SVIL: variants seen among roughly 807,000 people sequenced by gnomAD.
SVIL encodes the protein archvillin.
SVIL carries 101 observed loss-of-function variants against 240.4 expected under a neutral mutation model. The ratio of observed to expected loss-of-function variants is 0.42; its 90% CI spans 0.36 to 0.50. The LOEUF is 0.50. Among genes scored for constraint, SVIL ranks in the 20% least tolerant of loss-of-function variants. The pLI is 0.01. For missense variants in SVIL, 2,512 were observed against 2,818.7 expected (o/e 0.89, Z 2.46); for synonymous variants, 999 against 1,100.0 (o/e 0.91, Z 1.82).
intron 1 of SVIL, among the ~76,000 whole-genome samples, chr10:29,606,334 T>C (rs1243621591): frequency 6.6e-6 from 1 of 152,184 alleles, no homozygotes; most frequent in Non-Finnish European, 1.5e-5. Context: ...CACTGGCCAC[T>C]GCAACCAGCC....
Position 29,509,330 on chromosome 10 carries a change from G to GGAGAGAGAGAGAGAGAGAGA in SVIL, c.3516+3385_3516+3404dup, listed in dbSNP as rs66616602. Reference sequence around the variant, plus strand: ...GAGAGAAAGGGAGAAGGAGGGGGAGGGAGAGAGAGAGAGAGAGAGAGAGAG... The same window carrying GGAGAGAGAGAGAGAGAGAGA: ...GAGAGAAAGGGAGAAGGAGGGGGAGGGAGAGAGAGAGAGAGAGAGAGAGAGAGAGAGAGAGAGAGAGAGAG... On this transcript the variant is annotated intron_variant, in intron 17 of 37. Coordinates refer to ENST00000355867, the MANE Select transcript of SVIL (RefSeq NM_021738.3). Among the ~76,000 whole-genome samples, 161 of 66,888 alleles carry GGAGAGAGAGAGAGAGAGAGA rather than the reference G, an allele frequency of 2.4e-3. 9 individuals are homozygous for GGAGAGAGAGAGAGAGAGAGA. Among genetic ancestry groups the GGAGAGAGAGAGAGAGAGAGA allele is most frequent in the Non-Finnish European group, 3.7e-3 (119 of 32,260 alleles). The allele number at this position is 66,888 out of a possible 152,430, so 43.9% of individuals were successfully genotyped here.
chr10:29,551,276 C>A lies in SVIL; in HGVS notation c.161-13G>T. 2 of 1,571,760 alleles carry A rather than the reference C, an allele frequency of 1.3e-6. No individual in the cohort carries two copies. Among genetic ancestry groups the A allele is most frequent in the South Asian group, 2.4e-5 (2 of 84,346 alleles). On this transcript the variant is annotated splice_polypyrimidine_tract_variant and intron_variant, in intron 5 of 37. Coordinates refer to ENST00000355867, the MANE Select transcript of SVIL (RefSeq NM_021738.3). ...TCATTTGATCGGCCTACAAGAAGGT[C>A]ACATGGATGAGAGGTGCAGATTTCA...
chr10:29,701,559 T>G (rs563643582), intron 1 of SVIL, among the ~76,000 whole-genome samples: 1 of 152,328 alleles, frequency 6.6e-6, no homozygotes, highest in Admixed American at 6.5e-5. Context: ...GGGAAAATTT[T>G]AATTTTCCCT....
chr10:29,488,497 G>A lies in SVIL; in HGVS notation c.4348+104C>T, dbSNP rs979566900. On this transcript the variant is annotated intron_variant, in intron 23 of 37. Transcript: ENST00000355867. ...CACAATAAGTTCTCAAAAAGTGTGC[G>A]TTCCTTTCCCGGCACAGGCAATGAA... is the stretch of plus-strand genomic sequence containing the variant. The A allele has an allele frequency of 5.0e-5, 66 of 1,318,604 alleles. No individual in the cohort carries two copies. The African/African-American group carries it at 6.6e-4, about 13-fold the overall frequency. 81.7% of individuals were successfully genotyped at this position (1,318,604 alleles called of 1,614,324 possible).
rs555373744 is a variant in SVIL at position 29,710,964 on chromosome 10, C to T, written c.-399-24313G>A. ...CATGAGGACATCAGTGAGTGGAATC[C>T]GCAAAGAATGTCTTCAAAAAGAATG... On this transcript the variant is annotated intron_variant, in intron 1 of 35. Coordinates refer to the SVIL transcript ENST00000375400. Among the ~76,000 whole-genome samples the T allele has an allele frequency of 1.4e-3, 207 of 152,214 alleles. 1 individual carries two copies. The highest frequency in any genetic ancestry group is 4.8e-3 in the African/African-American group (199 of 41,522).
intron 36 of SVIL, 41 bp downstream of exon 36, chr10:29,462,236 G>T: frequency 6.3e-7 from 1 of 1,590,400 alleles, no homozygotes; most frequent in Non-Finnish European, 8.5e-7. Context: ...CAATCCAAAA[G>T]GCGCAGGAGC....
intron 29 of SVIL, 104 bp downstream of exon 29, chr10:29,480,433 C>T (rs768128912): frequency 4.6e-5 from 66 of 1,435,654 alleles, no homozygotes; most frequent in East Asian, 2.5e-4. Context: ...CCCCACTGCA[C>T]GGACGCAGCA....
At position 29,723,618 on chromosome 10, in the gene SVIL, G is replaced by A. The variant is rs145112963; in HGVS notation, c.-400+12133C>T. Among the ~76,000 whole-genome samples the A allele has an allele frequency of 3.0e-3, 462 of 152,192 alleles. 6 individuals carry two copies. The highest frequency in any genetic ancestry group is 0.01 in the African/African-American group (425 of 41,530). On this transcript the variant is annotated intron_variant, in intron 1 of 35. Coordinates refer to the SVIL transcript ENST00000375400. Reference sequence around the variant, plus strand: ...AGGAAGAAGAAGGAATATCTTGAGAGAGGAAACTTCTCTCTTACTATGAAA... The same window carrying A: ...AGGAAGAAGAAGGAATATCTTGAGAAAGGAAACTTCTCTCTTACTATGAAA...
At chr10:29,547,353 T>C (rs930948988) in intron 6 of SVIL, among the ~76,000 whole-genome samples, 1 of 152,176 alleles carries the variant, frequency 6.6e-6, no homozygotes, top group Admixed American at 6.5e-5. Flanking sequence ...CTACTTTGGG[T>C]TTCTTTGCCT....
chr10:29,615,953 T>C (rs566134379), intron 1 of SVIL, among the ~76,000 whole-genome samples: 2 of 152,350 alleles, frequency 1.3e-5, no homozygotes, highest in South Asian at 2.1e-4. Context: ...ATGCTTTTCC[T>C]ACACAATTTG....
At chr10:29,577,587 G>A (rs11819549) in intron 1 of SVIL, among the ~76,000 whole-genome samples, 31,978 of 152,030 alleles carry the variant, frequency 0.21, 3,512 homozygotes, top group Non-Finnish European at 0.24. Context: ...TTGTTGGTCT[G>A]TGGGCACTTA....
chr10:29,545,335 G>A (rs4440932), intron 6 of SVIL, among the ~76,000 whole-genome samples: 39,931 of 151,840 alleles, frequency 0.26, 5,269 homozygotes, highest in East Asian at 0.32. Flanking sequence ...TGAGCCGATC[G>A]GCGGCTCTCT....
intron 17 of SVIL, among the ~76,000 whole-genome samples, chr10:29,503,821 G>A (rs994892596): frequency 2.0e-5 from 3 of 152,198 alleles, no homozygotes; most frequent in Non-Finnish European, 2.9e-5. Context: ...GTCCCAGCAA[G>A]AGATTTTGTA....
intron 16 of SVIL, among the ~76,000 whole-genome samples, chr10:29,517,396 C>A (rs1246519170): frequency 1.3e-5 from 2 of 151,974 alleles, no homozygotes; most frequent in African/African-American, 4.8e-5. Context: ...CACTGCACTC[C>A]AGCCTGGACA....
chr10:29,655,101 A>G (rs1396839257), intron 3 of SVIL, among the ~76,000 whole-genome samples: 2 of 152,198 alleles, frequency 1.3e-5, no homozygotes, highest in Non-Finnish European at 2.9e-5. Flanking sequence ...TGACAAATGT[A>G]TTAGGGTTCT....
intron 2 of SVIL, among the ~76,000 whole-genome samples, chr10:29,567,694 G>A (rs936099157): frequency 1.3e-5 from 2 of 152,138 alleles, no homozygotes; most frequent in African/African-American, 2.4e-5. Context: ...CTCCATGACA[G>A]TTAAACCAAC....
At chr10:29,577,035 C>T (rs1955729151) in intron 1 of SVIL, among the ~76,000 whole-genome samples, 1 of 152,106 alleles carries the variant, frequency 6.6e-6, no homozygotes, top group South Asian at 2.1e-4. Context: ...CACGCTCCAC[C>T]ATGCCCAGTT....
chr10:29,554,273 C>T (rs1391509985), intron 5 of SVIL, among the ~76,000 whole-genome samples: 2 of 151,842 alleles, frequency 1.3e-5, no homozygotes, highest in Non-Finnish European at 2.9e-5. Flanking sequence ...CAGGCCACTG[C>T]ACTCCAGCCT....
intron 11 of SVIL, 49 bp downstream of exon 11, chr10:29,530,558 T>A (rs1190813869): frequency 6.2e-7 from 1 of 1,607,784 alleles, no homozygotes; most frequent in Non-Finnish European, 8.5e-7. Flanking sequence ...ATAGCTGGGA[T>A]TACTGCACCC....
Sources: allele counts gnomAD v4.1 joint callset (sites outside exome capture counted in the v4.1 genomes callset), GRCh38; gene constraint gnomAD v4.1.1; transcripts MANE v1.5; gene names NCBI Gene and HGNC (gene_info 2026-07-23, HGNC 2026-07-21).